TAFA1: variants seen among roughly 807,000 people sequenced by gnomAD.
TAFA1 encodes the protein chemokine-like protein TAFA-1.
Under a neutral mutation model 18.5 loss-of-function variants are expected in TAFA1, and 4 were observed. The observed-to-expected ratio is 0.22, with a 90% CI of 0.11 to 0.49. The LOEUF (loss-of-function observed/expected upper bound fraction) is 0.49, where lower values mean the gene tolerates loss of function less well. Ranked by LOEUF, TAFA1 falls within the 20% of genes least tolerant of loss-of-function variation. The pLI is 0.98. For missense variants in TAFA1, 147 were observed against 169.0 expected, an observed-to-expected ratio of 0.87 and a Z score of 0.72; for synonymous variants, 56 against 55.2, an observed-to-expected ratio of 1.01 and a Z score of -0.06.
intron 2 of TAFA1, among the ~76,000 whole-genome samples, chr3:68,403,388 C>T (rs565782523): frequency 6.6e-6 from 1 of 152,286 alleles, no homozygotes; most frequent in African/African-American, 2.4e-5. Context: ...CAACAAGCCC[C>T]TTGTGATTTA....
At chr3:68,061,306 C>T (rs2064599680) in intron 2 of TAFA1, among the ~76,000 whole-genome samples, 1 of 152,156 alleles carries the variant, frequency 6.6e-6, no homozygotes, top group African/African-American at 2.4e-5. Flanking sequence ...ATTTTAAAAA[C>T]AATTATGGTG....
chr3:68,067,693 C>T (rs1216793525), intron 2 of TAFA1, among the ~76,000 whole-genome samples: 2 of 152,158 alleles, frequency 1.3e-5, no homozygotes, highest in Non-Finnish European at 2.9e-5. Flanking sequence ...CGGTAGCCAA[C>T]TTTTCTTCCT....
At chr3:68,320,575 T>C (rs1343614819) in intron 2 of TAFA1, among the ~76,000 whole-genome samples, 3 of 152,160 alleles carry the variant, frequency 2.0e-5, no homozygotes, top group African/African-American at 7.2e-5. Flanking sequence ...CCTTCTACTG[T>C]TGGACTCTGG....
At chr3:68,319,029 C>G (rs2068653762) in intron 2 of TAFA1, among the ~76,000 whole-genome samples, 1 of 152,154 alleles carries the variant, frequency 6.6e-6, no homozygotes, top group African/African-American at 2.4e-5. Flanking sequence ...CTGCTGTCCT[C>G]AGCAAATATA....
At chr3:68,395,800 C>T (rs966802082) in intron 2 of TAFA1, among the ~76,000 whole-genome samples, 2 of 151,966 alleles carry the variant, frequency 1.3e-5, no homozygotes, top group African/African-American at 4.8e-5. Context: ...ACACTGGGGC[C>T]TGTTGGAGGA....
intron 2 of TAFA1, among the ~76,000 whole-genome samples, chr3:68,320,721 T>A (rs533163755): frequency 3.9e-5 from 6 of 152,304 alleles, no homozygotes; most frequent in Middle Eastern, 6.8e-3. Flanking sequence ...AGTTTCCTGA[T>A]GAAAACCATG....
At chr3:68,202,100 A>C (rs922568868) in intron 2 of TAFA1, among the ~76,000 whole-genome samples, 3 of 151,714 alleles carry the variant, frequency 2.0e-5, no homozygotes, top group African/African-American at 7.3e-5. Flanking sequence ...ATCTCCTAAC[A>C]CCACCTCATT....
intron 2 of TAFA1, among the ~76,000 whole-genome samples, chr3:68,081,169 C>G (rs1003684799): frequency 6.6e-6 from 1 of 152,188 alleles, no homozygotes; most frequent in Admixed American, 6.5e-5. Flanking sequence ...TCCATCAGCT[C>G]CTTTAAGCAC....
chr3:68,073,887 A>T (rs1423811942), intron 2 of TAFA1, among the ~76,000 whole-genome samples: 1 of 152,144 alleles, frequency 6.6e-6, no homozygotes, highest in African/African-American at 2.4e-5. Context: ...TGTGGAAGAC[A>T]ATTTTTCCAA....
intron 2 of TAFA1, among the ~76,000 whole-genome samples, chr3:68,414,299 C>T (rs1025742103): frequency 2.0e-5 from 3 of 152,008 alleles, no homozygotes; most frequent in Admixed American, 6.6e-5. Flanking sequence ...AGGAGCGAAA[C>T]GCCATATCAA....
upstream of TAFA1, among the ~76,000 whole-genome samples, chr3:67,999,280 CCT>C (rs1291946967): frequency 8.0e-4 from 119 of 149,652 alleles, no homozygotes; most frequent in Middle Eastern, 3.4e-3. Context: ...CCCCCCCCCC[CCT>C]CTCTCTGTGT....
chr3:68,032,084 A>G lies in TAFA1; in HGVS notation c.118+25340A>G, dbSNP rs142622778. On this transcript the variant is annotated intron_variant, in intron 2 of 4. Transcript: ENST00000478136. ...TAGTCTTAAATCTTAAATATCATGT[A>G]GGTACCTTCATGTTTTTTTCAGACC... 7.4e-3 allele frequency among the ~76,000 whole-genome samples: 1,121 copies of G among 152,222 alleles called. 12 individuals carry two copies. The highest frequency in any genetic ancestry group is 0.025 in the African/African-American group (1,039 of 41,530).
chr3:68,118,068 A>T (rs1023900313), intron 2 of TAFA1, among the ~76,000 whole-genome samples: 1 of 152,162 alleles, frequency 6.6e-6, no homozygotes, highest in African/African-American at 2.4e-5. Flanking sequence ...AGGATGATTC[A>T]AGCGCATTAC....
chr3:68,118,115 A>G (rs2065345409), intron 2 of TAFA1, among the ~76,000 whole-genome samples: 1 of 152,164 alleles, frequency 6.6e-6, no homozygotes, highest in Non-Finnish European at 1.5e-5. Flanking sequence ...TATTATTACA[A>G]TGTAATATAT....
chr3:68,165,571 C>T (rs897855637), intron 2 of TAFA1, among the ~76,000 whole-genome samples: 1 of 152,208 alleles, frequency 6.6e-6, no homozygotes, highest in Non-Finnish European at 1.5e-5. Flanking sequence ...GAAGGTATGG[C>T]TTCTACTCTC....
At chr3:68,490,136 C>T (rs1327041520) in intron 3 of TAFA1, among the ~76,000 whole-genome samples, 1 of 152,162 alleles carries the variant, frequency 6.6e-6, no homozygotes, top group African/African-American at 2.4e-5. Flanking sequence ...TACTTATGGA[C>T]TTTTCTGATG....
At chr3:68,243,960 C>G (rs899072595) in intron 2 of TAFA1, among the ~76,000 whole-genome samples, 3 of 152,148 alleles carry the variant, frequency 2.0e-5, no homozygotes, top group African/African-American at 7.2e-5. Flanking sequence ...TGTGATCACT[C>G]TTTTTCAGTT....
At chr3:68,191,148 A>G (rs2066335183) in intron 2 of TAFA1, among the ~76,000 whole-genome samples, 1 of 151,726 alleles carries the variant, frequency 6.6e-6, no homozygotes, top group Non-Finnish European at 1.5e-5. Flanking sequence ...TTGTGTGTCT[A>G]TCTTGTTTTT....
chr3:68,280,347 C>T (rs1168594167), intron 2 of TAFA1, among the ~76,000 whole-genome samples: 2 of 152,316 alleles, frequency 1.3e-5, no homozygotes, highest in African/African-American at 4.8e-5. Context: ...ACAACCCTGG[C>T]TGGCAATCTC....
Sources: gnomAD v4.1 joint callset for allele counts (sites outside exome capture counted in the v4.1 genomes callset) on GRCh38, gnomAD v4.1.1 for gene constraint, MANE v1.5 for transcripts, NCBI Gene and HGNC (gene_info 2026-07-23, HGNC 2026-07-21) for gene names.